Variants in LTBP3 observed in about 807,000 individuals in gnomAD.
LTBP3 encodes the protein latent-transforming growth factor beta-binding protein 3.
LTBP3 carries 97 observed loss-of-function variants against 159.7 expected under a neutral mutation model. The ratio of observed to expected loss-of-function variants is 0.61; its 90% CI spans 0.52 to 0.72. The LOEUF (loss-of-function observed/expected upper bound fraction) is 0.72. LTBP3 is among the 30% of genes least tolerant of loss of function. The pLI is 0.00. For missense variants in LTBP3, 1,584 were observed against 1,864.3 expected, an observed-to-expected ratio of 0.85 and a Z score of 2.77; for synonymous variants, 824 against 777.1, an observed-to-expected ratio of 1.06 and a Z score of -1.00.
At position 65,538,702 on chromosome 11, in the gene LTBP3, A is replaced by AGT. The variant is rs1855872517; in HGVS notation, c.*377_*378insAC. 4.2e-6 allele frequency: 5 copies of AGT among 1,196,196 alleles called. No individual in the cohort carries two copies. In the African/African-American group the frequency reaches 7.7e-5, roughly 18 times the overall value. The allele number at this position is 1,196,196 out of a possible 1,614,324, so 74.1% of individuals were successfully genotyped here. On this transcript the variant is annotated 3_prime_UTR_variant, in exon 28 of 28. Transcript: ENST00000301873. ...TCAGAGCCACAATAAATTCTATTTCACACCCCTTGTGCCGGGCTCAGTCTA... is the reference window on the plus strand; with the variant it reads ...TCAGAGCCACAATAAATTCTATTTCAGTCACCCCTTGTGCCGGGCTCAGTCTA...
intron 21 of LTBP3, 30 bp downstream of exon 21, chr11:65,540,841 G>A: frequency 2.5e-6 from 4 of 1,591,798 alleles, no homozygotes; most frequent in South Asian, 1.1e-5. Context: ...GTGAGAGGGC[G>A]CGGGGCGGGC....
In LTBP3 at chr11:65,540,157, C is replaced by T. The variant is rs753454432; in HGVS notation, c.3245-4G>A. The T allele has an allele frequency of 4.2e-5, 64 of 1,533,604 alleles. No homozygotes were observed. The highest frequency in any genetic ancestry group is 2.0e-5 in the Admixed American group (1 of 50,716). The allele number at this position is 1,533,604 out of a possible 1,614,324, so 95.0% of individuals were successfully genotyped here. On this transcript the variant is annotated splice_polypyrimidine_tract_variant and splice_region_variant and intron_variant, in intron 23 of 27. Coordinates refer to ENST00000301873, the MANE Select transcript of LTBP3 (RefSeq NM_001130144.3). ...GGGTCCTGGCACTCGTCCACGTCTA[C>T]GAACAGCGAGGGGGTGGGTGGGGGC...
rs751052245 is a variant in LTBP3, at chr11:65,541,155, T to C, written c.2864A>G (p.Glu955Gly). The change falls in exon 20 of 28, where the codon GAA becomes GGA. Residue 955 changes from glutamate to glycine, a missense_variant. Glu to Gly is a moderately conservative substitution (Grantham distance 98). Around this residue, in one of 6 missense-constraint regions of LTBP3, gnomAD observed 565 missense variants for 677.7 expected, o/e 0.83. Transcript: ENST00000301873. ...SLGAGWGDHCEIYPCPVYSSA... is the reference protein window; with the variant it reads ...SLGAGWGDHCGIYPCPVYSSA... ...GCTGTAGACTGGGCAGGGGTAGATT[T>C]CGCAGTGGTCGCCCCAGCCGGCCCC... is the stretch of plus-strand genomic sequence containing the variant. The C allele has an allele frequency of 6.2e-7, 1 of 1,613,080 alleles. No individual in the cohort carries two copies. Among genetic ancestry groups the C allele is most frequent in the Non-Finnish European group, 8.5e-7 (1 of 1,179,950 alleles).
In LTBP3 at chr11:65,546,450, C is replaced by T. The variant is rs1387730966; in HGVS notation, c.2345G>A (p.Ser782Asn). 3 of 1,564,046 alleles carry T rather than the reference C, an allele frequency of 1.9e-6. No individual in the cohort carries two copies. The highest frequency in any genetic ancestry group is 8.6e-7 in the Non-Finnish European group (1 of 1,162,286). ...QGYAPAPDGR[S>N]CLDVDECEAG... ...GGGGTGCTGGCGCTCACCCAAGCAACTGCGGCCGTCGGGCGCGGGCGCGTA... is the reference window on the plus strand; with the variant it reads ...GGGGTGCTGGCGCTCACCCAAGCAATTGCGGCCGTCGGGCGCGGGCGCGTA... The change falls in exon 16 of 28, where the codon AGT (serine) becomes AAT (asparagine). Residue 782 changes from serine (S) to asparagine (N), a missense_variant. By Grantham distance (46) the Ser-to-Asn change is conservative. Around this residue, in one of 6 missense-constraint regions of LTBP3, gnomAD observed 565 missense variants for 677.7 expected, o/e 0.83. Transcript: ENST00000301873. This position sits in a 1 kb window ranked among gnomAD's most constrained non-coding sequence, Gnocchi z 4.0.
Position 65,540,299 on chromosome 11 carries a change from GC to G in LTBP3, c.3189del (p.Pro1065LeufsTer12). 1 of 1,563,456 alleles carries G rather than the reference GC, an allele frequency of 6.4e-7. No individual in the cohort carries two copies. The highest frequency in any genetic ancestry group is 8.7e-7 in the Non-Finnish European group (1 of 1,154,068). ...NTRGGYRCAC[T>X]PPAEYSPAQR... ...TGCGCGGGACTGTACTCGGCAGGGGGCGTGCAGGCACAGCGGTAGCCGCCGC... is the reference window on the plus strand; with the variant it reads ...TGCGCGGGACTGTACTCGGCAGGGGGGTGCAGGCACAGCGGTAGCCGCCGC... On this transcript the variant is annotated frameshift_variant, in exon 23 of 28. Transcript: ENST00000301873. LOFTEE classifies it high-confidence loss of function.
At chr11:65,548,394 C>T in intron 11 of LTBP3, 1 of 553,400 alleles carries the variant, frequency 1.8e-6, no homozygotes, top group Non-Finnish European at 3.2e-6. Context: ...GACTAAAACT[C>T]CTTTCTCCCC....
chr11:65,541,282 G>A lies in LTBP3; in HGVS notation c.2737C>T (p.Pro913Ser). 1 of 1,611,530 alleles carries A rather than the reference G, an allele frequency of 6.2e-7. No homozygotes were observed. ...DQHGCEEVEQ[P>S]HHKKECYLNF... ...AGGTAGCACTCCTTCTTGTGGTGGG[G>A]CTGCTCCACCTCTGAGGGGCAGACG... Residue 913 changes from proline to serine, a missense_variant, in exon 20 of 28, where the codon CCC (proline) becomes TCC (serine). Physicochemically the swap from Pro to Ser is moderately conservative, Grantham distance 74. This residue lies in a region of LTBP3 where 565 missense variants were observed against 677.7 expected (regional missense o/e 0.83). Coordinates refer to ENST00000301873, the MANE Select transcript of LTBP3 (RefSeq NM_001130144.3).
At position 65,552,551 on chromosome 11, in the gene LTBP3, T is replaced by C; in HGVS notation, c.1187-145A>G. The C allele has an allele frequency of 1.9e-6, 2 of 1,046,234 alleles. No homozygotes were observed. The highest frequency in any genetic ancestry group is 2.6e-5 in the East Asian group (1 of 38,488). The allele number at this position is 1,046,234 out of a possible 1,614,324, so 64.8% of individuals were successfully genotyped here. ...CTGACCCCATATGACCCTGAACTCA[T>C]GTGACCCCTGAAACTTATGTGACCA... On this transcript the variant is annotated intron_variant, in intron 6 of 27. Coordinates refer to ENST00000301873, the MANE Select transcript of LTBP3 (RefSeq NM_001130144.3). The surrounding 1 kb of genome is among the most constrained non-coding windows in gnomAD (Gnocchi z 6.0).
Position 65,553,955 on chromosome 11 carries a change from C to G in LTBP3, c.662-52G>C, listed in dbSNP as rs754248851. On this transcript the variant is annotated intron_variant, in intron 2 of 27. Transcript: ENST00000301873. The surrounding 1 kb of genome is among the most constrained non-coding windows in gnomAD (Gnocchi z 6.5). Reference sequence around the variant, plus strand: ...GCTGCCCGCACCGCGCCGCGGGTCACCGCGCTGAGCTCCTCCAGGGCTGAA... The same window carrying G: ...GCTGCCCGCACCGCGCCGCGGGTCAGCGCGCTGAGCTCCTCCAGGGCTGAA... 6 of 1,537,594 alleles carry G rather than the reference C, an allele frequency of 3.9e-6. No individual in the cohort carries two copies. In the Admixed American group the frequency reaches 7.3e-5, roughly 19 times the overall value.
At position 65,547,883 on chromosome 11, in the gene LTBP3, C is replaced by CA; in HGVS notation, c.1846+36dup. On this transcript the variant is annotated intron_variant, in intron 12 of 27. Transcript: ENST00000301873. The surrounding 1 kb of genome is among the most constrained non-coding windows in gnomAD (Gnocchi z 4.6). ...AGCGTCGTTATCTGGGGTCCCCCCC[C>CA]ACCCACCTGCATGCCCGCCGCCTGC... The CA allele has an allele frequency of 1.2e-6, 2 of 1,613,380 alleles. No homozygotes were observed. Among genetic ancestry groups the CA allele is most frequent in the African/African-American group, 1.3e-5 (1 of 75,026 alleles).
intron 21 of LTBP3, 106 bp from the exon 22 acceptor site, chr11:65,540,720 A>AGGGGCGGGGCCTCCAGGT: frequency 7.2e-7 from 1 of 1,380,924 alleles, no homozygotes; most frequent in Non-Finnish European, 1.0e-6. Context: ...GGCCTACAGG[A>AGGGGCGGGGCCTCCAGGT]GGGGCGGGGC....
At position 65,542,969 on chromosome 11, in the gene LTBP3, G is replaced by A. The variant is rs574955960; in HGVS notation, c.2596+136C>T. ...GGATGGATGGATGGATGGATGGATG[G>A]ATGGATAGATGGATGGATGGATGGA... On this transcript the variant is annotated intron_variant, in intron 18 of 27. Coordinates refer to ENST00000301873, the MANE Select transcript of LTBP3 (RefSeq NM_001130144.3). 282 of 1,100,130 alleles carry A rather than the reference G, an allele frequency of 2.6e-4. 1 individual carries two copies. Among genetic ancestry groups the A allele is most frequent in the Non-Finnish European group, 3.4e-4 (262 of 765,844 alleles). 68.1% of individuals were successfully genotyped at this position (1,100,130 alleles called of 1,614,324 possible). A position where few individuals can be genotyped will look rare whatever the true frequency, so the allele number is the denominator to read the frequency against.
In LTBP3 at chr11:65,553,571, C is replaced by T. The variant is rs1856690948; in HGVS notation, c.865-41G>A. ...GGAGGTGGGGTCACAGAGCACCCCGCCCCGGTGCCGCCTGTTAGGGTTGGG... is the reference window on the plus strand; with the variant it reads ...GGAGGTGGGGTCACAGAGCACCCCGTCCCGGTGCCGCCTGTTAGGGTTGGG... On this transcript the variant is annotated intron_variant, in intron 3 of 27. Transcript: ENST00000301873. This position sits in a 1 kb window ranked among gnomAD's most constrained non-coding sequence, Gnocchi z 6.5. 3 of 1,500,282 alleles carry T rather than the reference C, an allele frequency of 2.0e-6. No individual in the cohort carries two copies. The highest frequency in any genetic ancestry group is 2.8e-6 in the Non-Finnish European group (3 of 1,085,638). The allele number at this position is 1,500,282 out of a possible 1,614,324, so 92.9% of individuals were successfully genotyped here.
intron 21 of LTBP3, 101 bp from the exon 22 acceptor site, chr11:65,540,715 A>AGGAGGGGCGGGGCCTG (rs1856083319): frequency 7.9e-6 from 12 of 1,511,376 alleles, no homozygotes; most frequent in African/African-American, 1.4e-5. Context: ...GGCGGGGCCT[A>AGGAGGGGCGGGGCCTG]CAGGAGGGGC....
intron 16 of LTBP3, chr11:65,543,927 C>T (rs533203732): frequency 1.4e-4 from 47 of 332,864 alleles, no homozygotes; most frequent in African/African-American, 8.1e-4. Context: ...GACCCTCCCC[C>T]GGGACACACT....
rs776526815 is a variant in LTBP3, at chr11:65,553,772, G to A, written c.793C>T (p.Pro265Ser). 1.9e-6 allele frequency: 3 copies of A among 1,570,062 alleles called. No homozygotes were observed. Among genetic ancestry groups the A allele is most frequent in the African/African-American group, 1.3e-5 (1 of 74,420 alleles). Residue 265 changes from proline to serine, a missense_variant, in exon 3 of 28, where the codon CCC becomes TCC. Around this residue, in one of 6 missense-constraint regions of LTBP3, gnomAD observed 194 missense variants for 198.7 expected, o/e 0.98. Coordinates refer to ENST00000301873, the MANE Select transcript of LTBP3 (RefSeq NM_001130144.3). The surrounding 1 kb of genome is among the most constrained non-coding windows in gnomAD (Gnocchi z 6.5). ...TGGGTGGGCGGCCGGGGGTGCGAGG[G>A]CTTGGGGTGCGGCAGCAGGTGCTGG... is the stretch of plus-strand genomic sequence containing the variant. ...PSQHLLPHPKPSHPRPPTQKP... is the reference protein window; with the variant it reads ...PSQHLLPHPKSSHPRPPTQKP...
Position 65,539,847 on chromosome 11 carries a change from G to A in LTBP3, c.3420C>T (p.Ser1140=), listed in dbSNP as rs755347057. The change falls in exon 25 of 28, where the codon AGC becomes AGT. Residue 1140 remains serine (S), a synonymous_variant. Coordinates refer to ENST00000301873, the MANE Select transcript of LTBP3 (RefSeq NM_001130144.3). ...RAPERRDVCW[S]QRGEDGMCAG... ...CGCACATGCCGTCCTCTCCGCGCTG[G>A]CTCCAGCACACGTCGCGCCGCTCCG... 1.3e-6 allele frequency: 2 copies of A among 1,521,364 alleles called. No homozygotes were observed. The highest frequency in any genetic ancestry group is 2.4e-5 in the South Asian group (2 of 82,532). 94.2% of individuals were successfully genotyped at this position (1,521,364 alleles called of 1,614,324 possible).
Position 65,554,459 on chromosome 11 carries a change from G to T in LTBP3, c.332-79C>A, listed in dbSNP as rs1427401333. The T allele has an allele frequency of 1.6e-6, 2 of 1,227,852 alleles. No individual in the cohort carries two copies. The highest frequency in any genetic ancestry group is 2.3e-6 in the Non-Finnish European group (2 of 873,674). 76.1% of individuals were successfully genotyped at this position (1,227,852 alleles called of 1,614,324 possible). On this transcript the variant is annotated intron_variant, in intron 1 of 27. Transcript: ENST00000301873. The surrounding 1 kb of genome is among the most constrained non-coding windows in gnomAD (Gnocchi z 5.3). ...CTCCCTACTTCCTTGCCACCCACTG[G>T]CTCTGTCCTCTTGGGAAGCCAGGTT...
In LTBP3 at chr11:65,546,483, G is replaced by A; in HGVS notation, c.2312C>T (p.Ala771Val). 2 of 1,594,216 alleles carry A rather than the reference G, an allele frequency of 1.3e-6. No homozygotes were observed. The highest frequency in any genetic ancestry group is 1.7e-5 in the Admixed American group (1 of 59,156). Residue 771 changes from alanine (A) to valine (V), a missense_variant, in exon 16 of 28, where the codon GCC becomes GTC. Coordinates refer to ENST00000301873, the MANE Select transcript of LTBP3 (RefSeq NM_001130144.3). The surrounding 1 kb of genome is among the most constrained non-coding windows in gnomAD (Gnocchi z 4.0). Reference sequence around the variant, plus strand: ...GTCGGGCGCGGGCGCGTAGCCCTGGGCACAGGTGCAGCGGAAGGAGCCCGG... The same window carrying A: ...GTCGGGCGCGGGCGCGTAGCCCTGGACACAGGTGCAGCGGAAGGAGCCCGG... ...NLPGSFRCTC[A>V]QGYAPAPDGR...
Sources: gnomAD v4.1 joint callset for allele counts on GRCh38, gnomAD v4.1.1 for gene constraint, gnomAD v4.1.1 regional missense constraint, Gnocchi (gnomAD v3.1) non-coding constraint, MANE v1.5 for transcripts, NCBI Gene and HGNC (gene_info 2026-07-23, HGNC 2026-07-21) for gene names.